Variants in PPT1 observed in about 807,000 individuals in gnomAD.
PPT1 encodes palmitoyl-protein thioesterase 1, also known as ceroid-palmitoyl-palmitoyl-protein thioesterase 1.
PPT1 carries 24 observed loss-of-function variants against 44.0 expected under a neutral mutation model. The ratio of observed to expected loss-of-function variants is 0.54; its 90% CI spans 0.39 to 0.77. PPT1 has a LOEUF of 0.77. Ranked by LOEUF, PPT1 falls within the 30% of genes least tolerant of loss-of-function variation. The pLI, the probability that PPT1 is intolerant of heterozygous loss-of-function variation, is 0.00. For missense variants in PPT1, 341 were observed against 378.8 expected (o/e 0.90, Z 0.83); for synonymous variants, 148 against 140.2 (o/e 1.06, Z -0.39).
intron 5 of PPT1, among the ~76,000 whole-genome samples, chr1:40,083,754 T>C (rs905058008): frequency 6.6e-6 from 1 of 152,164 alleles, no homozygotes; most frequent in African/African-American, 2.4e-5. Context: ...AAAGGATTTA[T>C]CATTCTAGAT....
chr1:40,071,529 G>A (rs1380408894), downstream of PPT1: 2 of 1,609,318 alleles, frequency 1.2e-6, no homozygotes, highest in Admixed American at 1.7e-5. Flanking sequence ...GAAATTGCTG[G>A]ATAAGCGAAG....
intron 1 of PPT1, 69 bp from the exon 2 acceptor site, chr1:40,092,576 G>T (rs1167841087): frequency 2.5e-6 from 3 of 1,202,194 alleles, no homozygotes; most frequent in African/African-American, 1.5e-5. Flanking sequence ...AAACTCTGAG[G>T]CCTCAAACAG....
At chr1:40,095,403 T>A (rs1449866399) in intron 1 of PPT1, among the ~76,000 whole-genome samples, 2 of 152,082 alleles carry the variant, frequency 1.3e-5, no homozygotes, top group East Asian at 3.9e-4. Flanking sequence ...TGCCGAAGAC[T>A]CCCTACTTAA....
chr1:40,088,263 C>T (rs1649368339), intron 5 of PPT1, among the ~76,000 whole-genome samples: 1 of 152,014 alleles, frequency 6.6e-6, no homozygotes, highest in Non-Finnish European at 1.5e-5. Context: ...TCTCCTGCCT[C>T]AGCCTCCTGA....
At chr1:40,094,250 T>C (rs1293505050) in intron 1 of PPT1, among the ~76,000 whole-genome samples, 1 of 152,168 alleles carries the variant, frequency 6.6e-6, no homozygotes, top group Non-Finnish European at 1.5e-5. Flanking sequence ...AGACAATTTT[T>C]CAAAACTGTT....
At chr1:40,074,788 A>C (rs1209083272) in intron 8 of PPT1, among the ~76,000 whole-genome samples, 1 of 152,060 alleles carries the variant, frequency 6.6e-6, no homozygotes, top group Non-Finnish European at 1.5e-5. Flanking sequence ...TAAGTATTAA[A>C]AATAGATATG....
chr1:40,074,956 A>T (rs1337382010), intron 8 of PPT1, among the ~76,000 whole-genome samples: 2 of 152,144 alleles, frequency 1.3e-5, no homozygotes, highest in Non-Finnish European at 2.9e-5. Context: ...TAGGTAACTT[A>T]AAAAACATCC....
Position 40,080,441 on chromosome 1 carries a change from A to G in PPT1, c.583T>C (p.Tyr195His), listed in dbSNP as rs1648869873. 1 of 1,614,046 alleles carries G rather than the reference A, an allele frequency of 6.2e-7. No homozygotes were observed. The highest frequency in any genetic ancestry group is 8.5e-7 in the Non-Finnish European group (1 of 1,179,988). ...YWHDPIKEDV[Y>H]RNHSIFLADI... Reference sequence around the variant, plus strand: ...GCCAAGAAGATGCTGTGGTTGCGATACACATCCTCCTTTATGGGGTCATGC... The same window carrying G: ...GCCAAGAAGATGCTGTGGTTGCGATGCACATCCTCCTTTATGGGGTCATGC... Residue 195 changes from tyrosine to histidine, a missense_variant, in exon 6 of 9, where the codon TAT becomes CAT. By Grantham distance (83) the Tyr-to-His change is moderately conservative (BLOSUM62 2). Coordinates refer to ENST00000642050, the MANE Select transcript of PPT1 (RefSeq NM_000310.4).
At chr1:40,086,434 A>T (rs754064185) in intron 5 of PPT1, among the ~76,000 whole-genome samples, 1 of 152,242 alleles carries the variant, frequency 6.6e-6, no homozygotes, top group Non-Finnish European at 1.5e-5. Context: ...GTATTAGGAT[A>T]TCACGTTTGC....
At chr1:40,088,917 T>C (rs1649403405) in intron 5 of PPT1, among the ~76,000 whole-genome samples, 1 of 152,222 alleles carries the variant, frequency 6.6e-6, no homozygotes, top group African/African-American at 2.4e-5. Context: ...TTGTTTTTCT[T>C]TCTTTGTTTT....
At chr1:40,092,778 C>T (rs1191047009) in intron 1 of PPT1, among the ~76,000 whole-genome samples, 1 of 152,194 alleles carries the variant, frequency 6.6e-6, no homozygotes, top group African/African-American at 2.4e-5. Flanking sequence ...ATACAAATGG[C>T]TAACCACTGG....
intron 5 of PPT1, among the ~76,000 whole-genome samples, chr1:40,087,966 T>C (rs189628130): frequency 6.6e-6 from 1 of 151,010 alleles, no homozygotes; most frequent in Non-Finnish European, 1.5e-5. Context: ...AGCTATTAGC[T>C]GTAGGTGGTT....
chr1:40,088,445 C>CGGCTTT (rs1228225974), intron 5 of PPT1, among the ~76,000 whole-genome samples: 11 of 152,124 alleles, frequency 7.2e-5, no homozygotes, highest in Admixed American at 2.0e-4. Flanking sequence ...ATGCCCGGCC[C>CGGCTTT]ACAACTTCTA....
At chr1:40,096,253 C>T (rs1376067825) in intron 1 of PPT1, among the ~76,000 whole-genome samples, 1 of 152,182 alleles carries the variant, frequency 6.6e-6, no homozygotes, top group African/African-American at 2.4e-5. Flanking sequence ...GCACATATCA[C>T]CATTTGATAT....
At chr1:40,089,969 A>G (rs1011452615) in intron 4 of PPT1, among the ~76,000 whole-genome samples, 1 of 152,208 alleles carries the variant, frequency 6.6e-6, no homozygotes, top group Non-Finnish European at 1.5e-5. Context: ...CCTGTGGAGT[A>G]GATTTCATTA....
At chr1:40,087,562 C>T (rs1649328812) in intron 5 of PPT1, among the ~76,000 whole-genome samples, 1 of 151,928 alleles carries the variant, frequency 6.6e-6, no homozygotes, top group South Asian at 2.1e-4. Flanking sequence ...ATTTAGGTGT[C>T]ACTTGTCACC....
At chr1:40,080,548 T>C (rs1648879597) in intron 5 of PPT1, 61 bp from the exon 6 acceptor site, 1 of 1,514,448 alleles carries the variant, frequency 6.6e-7, no homozygotes, top group Non-Finnish European at 9.1e-7. Context: ...GCCCAGGGCA[T>C]GCTCAGTGCA....
intron 6 of PPT1, 113 bp from the exon 7 acceptor site, chr1:40,078,771 A>G (rs577346053): frequency 1.2e-6 from 1 of 867,692 alleles, no homozygotes; most frequent in Admixed American, 2.0e-5. Context: ...TTTCTTCCCC[A>G]TGGGTATGGG....
chr1:40,089,708 A>G, intron 4 of PPT1, 196 bp from the exon 5 acceptor site: 1 of 658,862 alleles, frequency 1.5e-6, no homozygotes, highest in South Asian at 1.5e-5. Flanking sequence ...TTTCCTGCCT[A>G]AGGATCTTTT....
Sources: allele counts gnomAD v4.1 joint callset (sites outside exome capture counted in the v4.1 genomes callset), GRCh38; gene constraint gnomAD v4.1.1; transcripts MANE v1.5; gene names NCBI Gene and HGNC (gene_info 2026-07-23, HGNC 2026-07-21).